STAB2: variants seen among roughly 807,000 people sequenced by gnomAD.
STAB2 encodes the protein stabilin-2.
STAB2 carries 288 observed loss-of-function variants against 338.1 expected under a neutral mutation model. That is an observed-to-expected ratio of 0.85 (90% CI 0.77 to 0.94). The LOEUF (loss-of-function observed/expected upper bound fraction) is 0.94. Among genes scored for constraint, STAB2 ranks in the 40% least tolerant of loss-of-function variants. The pLI, the probability that STAB2 is intolerant of heterozygous loss-of-function variation, is 0.00. For synonymous variants in STAB2, 1,202 were observed against 1,193.3 expected (o/e 1.01, Z -0.15); for missense variants, 3,141 against 3,210.1 (o/e 0.98, Z 0.52).
intron 3 of STAB2, among the ~76,000 whole-genome samples, chr12:103,602,862 T>C (rs1288351190): frequency 6.6e-6 from 1 of 152,226 alleles, no homozygotes; most frequent in Non-Finnish European, 1.5e-5. Flanking sequence ...TCTCGTAACA[T>C]TGCCTTTTGA....
intron 17 of STAB2, among the ~76,000 whole-genome samples, chr12:103,661,842 G>A (rs1049816496): frequency 1.8e-4 from 27 of 152,188 alleles, no homozygotes; most frequent in African/African-American, 6.5e-4. Flanking sequence ...AGAGCAGAGA[G>A]AGCAAAAGGG....
intron 8 of STAB2, among the ~76,000 whole-genome samples, chr12:103,639,846 T>G (rs1872778618): frequency 6.6e-6 from 1 of 152,010 alleles, no homozygotes; most frequent in African/African-American, 2.4e-5. Flanking sequence ...ATAGACAATC[T>G]AAAACTGGGA....
intron 6 of STAB2, among the ~76,000 whole-genome samples, chr12:103,634,643 C>A (rs889903219): frequency 1.3e-5 from 2 of 152,172 alleles, no homozygotes; most frequent in African/African-American, 4.8e-5. Context: ...TGTCGGGATA[C>A]CATGAAAAAA....
At chr12:103,734,302 G>A (rs1381507610) in intron 51 of STAB2, among the ~76,000 whole-genome samples, 1 of 151,378 alleles carries the variant, frequency 6.6e-6, no homozygotes, top group Non-Finnish European at 1.5e-5. Context: ...CGATCATATA[G>A]GAACAAGCGC....
chr12:103,653,604 CTGGATGGATGGATGGATGGA>C (rs375522471), intron 12 of STAB2, among the ~76,000 whole-genome samples: 6 of 123,546 alleles, frequency 4.9e-5, no homozygotes, highest in Non-Finnish European at 8.4e-5. Flanking sequence ...GGATAGGTCA[CTGGATGGATGGATGGATGGA>C]TGGATGGATG....
chr12:103,644,418 T>A (rs888989806), intron 9 of STAB2, among the ~76,000 whole-genome samples: 3 of 149,948 alleles, frequency 2.0e-5, no homozygotes, highest in Non-Finnish European at 4.5e-5. Flanking sequence ...GTCCTCTGCA[T>A]AGGAAAACCA....
At chr12:103,756,681 C>T (rs1042959782) in intron 63 of STAB2, among the ~76,000 whole-genome samples, 7 of 152,092 alleles carry the variant, frequency 4.6e-5, no homozygotes, top group African/African-American at 1.7e-4. Context: ...GGCCACTGTT[C>T]CGAGTAGAAT....
At chr12:103,645,800 AG>A (rs2138712420) in intron 9 of STAB2, among the ~76,000 whole-genome samples, 1 of 148,602 alleles carries the variant, frequency 6.7e-6, no homozygotes, top group Admixed American at 6.7e-5. Context: ...CTTTGTTGTG[AG>A]GGGCTGGGCT....
At chr12:103,702,676 CAT>C (rs1055249570) in intron 34 of STAB2, among the ~76,000 whole-genome samples, 1 of 152,190 alleles carries the variant, frequency 6.6e-6, no homozygotes, top group Non-Finnish European at 1.5e-5. Context: ...GAAGCGGAGA[CAT>C]ACTGAAAGGA....
intron 58 of STAB2, among the ~76,000 whole-genome samples, chr12:103,747,894 C>T (rs1883194146): frequency 6.6e-6 from 1 of 150,766 alleles, no homozygotes; most frequent in Non-Finnish European, 1.5e-5. Context: ...ACTTGGGAGG[C>T]TGAGGCAGGA....
chr12:103,649,936 G>C (rs1873614319), intron 10 of STAB2, among the ~76,000 whole-genome samples: 1 of 152,108 alleles, frequency 6.6e-6, no homozygotes, highest in Non-Finnish European at 1.5e-5. Flanking sequence ...CTGCCTCTGG[G>C]TGTGAGAACA....
In STAB2 at chr12:103,674,003, G is replaced by T; in HGVS notation, c.2468G>T (p.Cys823Phe). ...AGAGACGGCTCTGCCGGGAGACTCT[G>T]TGATAAGCAGACCTCAGCCTGTGGG... Reference protein sequence around the residue: ...TCRDGSAGRLCDKQTSACGPY... With the variant: ...TCRDGSAGRLFDKQTSACGPY... Residue 823 changes from cysteine (C) to phenylalanine (F), a missense_variant, in exon 23 of 69, where the codon TGT (cysteine) becomes TTT (phenylalanine). Cys to Phe is a radical substitution (Grantham distance 205). Transcript: ENST00000388887. The T allele has an allele frequency of 6.2e-7, 1 of 1,614,116 alleles. No individual in the cohort carries two copies. Among genetic ancestry groups the T allele is most frequent in the Non-Finnish European group, 8.5e-7 (1 of 1,180,032 alleles).
intron 3 of STAB2, among the ~76,000 whole-genome samples, chr12:103,606,513 C>T (rs1957029724): frequency 6.6e-6 from 1 of 152,036 alleles, no homozygotes. Flanking sequence ...TTCTTTAACA[C>T]TTCTTGTAGT....
chr12:103,680,731 G>A (rs1876824143), intron 25 of STAB2, among the ~76,000 whole-genome samples: 1 of 152,252 alleles, frequency 6.6e-6, no homozygotes, highest in African/African-American at 2.4e-5. Flanking sequence ...TCACCCTGGG[G>A]TGGAGGAATC....
chr12:103,616,119 T>C (rs1465615682), intron 3 of STAB2, among the ~76,000 whole-genome samples: 1 of 152,148 alleles, frequency 6.6e-6, no homozygotes, highest in Non-Finnish European at 1.5e-5. Context: ...ATATTAACTG[T>C]CCCTAAGGAA....
At chr12:103,682,648 G>T (rs1295297198) in intron 25 of STAB2, among the ~76,000 whole-genome samples, 1 of 152,144 alleles carries the variant, frequency 6.6e-6, no homozygotes, top group South Asian at 2.1e-4. Context: ...GGACCCTCTG[G>T]AGTAAAGAAT....
chr12:103,607,493 C>T (rs971077253), intron 3 of STAB2, among the ~76,000 whole-genome samples: 5 of 146,762 alleles, frequency 3.4e-5, no homozygotes, highest in Admixed American at 6.9e-5. Flanking sequence ...CCCATTAACT[C>T]GTCATTTACA....
chr12:103,650,664 C>G, intron 11 of STAB2, 86 bp downstream of exon 11: 2 of 1,140,060 alleles, frequency 1.8e-6, no homozygotes, highest in South Asian at 2.8e-5. Context: ...AGTGGGAAAT[C>G]CCCATTAAAA....
chr12:103,728,085 C>T (rs192944347), intron 47 of STAB2, among the ~76,000 whole-genome samples: 1 of 152,222 alleles, frequency 6.6e-6, no homozygotes, highest in Admixed American at 6.5e-5. Context: ...AAATAAAAAG[C>T]CATTAAAGGA....
Sources: allele counts gnomAD v4.1 joint callset (sites outside exome capture counted in the v4.1 genomes callset), GRCh38; gene constraint gnomAD v4.1.1; transcripts MANE v1.5; gene names NCBI Gene and HGNC (gene_info 2026-07-23, HGNC 2026-07-21).